CEP63: variants seen among roughly 807,000 people sequenced by gnomAD.
CEP63 encodes the protein centrosomal protein of 63 kDa.
Under a neutral mutation model 89.1 loss-of-function variants are expected in CEP63, and 84 were observed. That is an observed-to-expected ratio of 0.94 (90% CI 0.79 to 1.13). The LOEUF is 1.13. Ranked by LOEUF, CEP63 falls within the 50% of genes most tolerant of loss-of-function variation. The pLI, the probability that CEP63 is intolerant of heterozygous loss-of-function variation, is 0.00. For synonymous variants in CEP63, 267 were observed against 272.5 expected (o/e 0.98, Z 0.20); for missense variants, 838 against 813.3 (o/e 1.03, Z -0.37).
chr3:134,591,685 A>T (rs1303403664), downstream of CEP63, among the ~76,000 whole-genome samples: 1 of 151,718 alleles, frequency 6.6e-6, no homozygotes, highest in Non-Finnish European at 1.5e-5. Context: ...GTGAGACACC[A>T]TCTCTACAAA....
Position 134,550,279 on chromosome 3 carries a change from C to A in CEP63, c.1380+19C>A. On this transcript the variant is annotated intron_variant, in intron 11 of 14. Transcript: ENST00000675561. ...GCATAAGGTGAAGCCTGAACAAAAC[C>A]TTTTTTAAATTTGAAATTTGTTTTA... 3 of 1,609,252 alleles carry A rather than the reference C, an allele frequency of 1.9e-6. No homozygotes were observed. In the African/African-American group the frequency reaches 4.0e-5, roughly 21 times the overall value.
At chr3:134,647,150 A>G in the CEP63 span, among the ~76,000 whole-genome samples, 3 of 152,200 alleles carry the variant, frequency 2.0e-5, no homozygotes, top group Non-Finnish European at 4.4e-5. Flanking sequence ...TCACCATCCC[A>G]AGGGATGTTA....
the CEP63 span, among the ~76,000 whole-genome samples, chr3:134,763,902 T>G: frequency 6.6e-6 from 1 of 152,236 alleles, no homozygotes; most frequent in African/African-American, 2.4e-5. Context: ...TTTCCCAGCA[T>G]ACCACCTCAA....
At chr3:134,585,147 T>C (rs1184329986) in intron 10 of CEP63, among the ~76,000 whole-genome samples, 1 of 152,020 alleles carries the variant, frequency 6.6e-6, no homozygotes, top group East Asian at 1.9e-4. Flanking sequence ...AGCTCCTGGA[T>C]TCATTGATTT....
chr3:134,683,244 T>G, the CEP63 span, among the ~76,000 whole-genome samples: 1 of 152,258 alleles, frequency 6.6e-6, no homozygotes, highest in African/African-American at 2.4e-5. Context: ...TTTGTAAAGT[T>G]ATATTTTAAT....
chr3:134,651,460 G>C, the CEP63 span: 1 of 1,013,342 alleles, frequency 9.9e-7, no homozygotes, highest in Non-Finnish European at 1.2e-6. Flanking sequence ...GTAGATTCAG[G>C]AAAAGGAAAG....
chr3:134,559,245 A>T lies in CEP63; in HGVS notation c.1769A>T (p.Asn590Ile). 2 of 1,614,100 alleles carry T rather than the reference A, an allele frequency of 1.2e-6. No homozygotes were observed. Among genetic ancestry groups the T allele is most frequent in the Non-Finnish European group, 1.7e-6 (2 of 1,180,008 alleles). ...SPRGQASDSI[N>I]PMSRVLSPLS... ...AGAGGACAAGCGTCGGATAGTATAA[A>T]CCCCATGTCTAGGGTGCTAAGCCCC... The change falls in exon 14 of 15, where the codon AAC becomes ATC. Residue 590 changes from asparagine (N) to isoleucine (I), a missense_variant. Asn to Ile is a moderately radical substitution (Grantham distance 149, BLOSUM62 -3). Coordinates refer to ENST00000675561, the MANE Select transcript of CEP63 (RefSeq NM_001353108.3).
chr3:134,486,694 A>G (rs1017420238), intron 1 of CEP63: 9 of 258,408 alleles, frequency 3.5e-5, no homozygotes, highest in African/African-American at 2.3e-5. Context: ...TTCACGGCAC[A>G]AGGGGACCCG....
At chr3:134,649,130 A>T in the CEP63 span, among the ~76,000 whole-genome samples, 1,070 of 152,136 alleles carry the variant, frequency 7.0e-3, 11 homozygotes, top group African/African-American at 0.024. Flanking sequence ...TAAGTGACAC[A>T]GATCTCTACA....
At chr3:134,752,176 G>T in the CEP63 span, among the ~76,000 whole-genome samples, 1 of 152,208 alleles carries the variant, frequency 6.6e-6, no homozygotes, top group Non-Finnish European at 1.5e-5. Context: ...CAATAAAAGA[G>T]ACCAAGAAAG....
At chr3:134,589,857 T>G (rs558745334), downstream of CEP63, among the ~76,000 whole-genome samples, 11 of 152,222 alleles carry the variant, frequency 7.2e-5, no homozygotes, top group Middle Eastern at 3.4e-3. Flanking sequence ...TAAATACTCA[T>G]CAATGGTAGA....
At chr3:134,555,402 G>A (rs1350511773) in intron 12 of CEP63, among the ~76,000 whole-genome samples, 1 of 151,494 alleles carries the variant, frequency 6.6e-6, no homozygotes, top group African/African-American at 2.4e-5. Context: ...ATCTCCTTAA[G>A]CTGATAAGCA....
At chr3:134,778,236 T>A in the CEP63 span, among the ~76,000 whole-genome samples, 6 of 151,710 alleles carry the variant, frequency 4.0e-5, no homozygotes, top group African/African-American at 1.5e-4. Context: ...TAGCTAGGAT[T>A]ACAGACGTGC....
the CEP63 span, among the ~76,000 whole-genome samples, chr3:134,757,311 A>G: frequency 2.0e-5 from 3 of 152,216 alleles, no homozygotes; most frequent in Admixed American, 2.0e-4. Flanking sequence ...GATAGTGGGT[A>G]GGCAACCAGC....
In CEP63 at chr3:134,486,155, G is replaced by T; in HGVS notation, c.-73G>T. The T allele has an allele frequency of 1.0e-6, 1 of 985,612 alleles. No homozygotes were observed. The highest frequency in any genetic ancestry group is 4.7e-5 in the South Asian group (1 of 21,294). 61.1% of individuals were successfully genotyped at this position (985,612 alleles called of 1,614,324 possible). On this transcript the variant is annotated 5_prime_UTR_variant, in exon 1 of 15. Transcript: ENST00000675561. ...CGGAACAAACGCGCCGACTACAGAG[G>T]CTGGACGTAAGCTTAGCGGTGGCGC...
the CEP63 span, among the ~76,000 whole-genome samples, chr3:134,745,929 T>A: frequency 6.6e-6 from 1 of 151,066 alleles, no homozygotes; most frequent in African/African-American, 2.4e-5. Flanking sequence ...CTTTTTTTTT[T>A]ATTATACTTT....
chr3:134,508,844 C>G (rs1453591914), intron 3 of CEP63, among the ~76,000 whole-genome samples: 1 of 152,048 alleles, frequency 6.6e-6, no homozygotes, highest in African/African-American at 2.4e-5. Flanking sequence ...TTTGCTACTT[C>G]ATTGATTGGG....
chr3:134,524,434 T>C (rs1174043510), intron 3 of CEP63, among the ~76,000 whole-genome samples: 1 of 152,066 alleles, frequency 6.6e-6, no homozygotes, highest in Non-Finnish European at 1.5e-5. Flanking sequence ...TGAATAGGAG[T>C]GGTGAGAGAG....
the CEP63 span, among the ~76,000 whole-genome samples, chr3:134,715,292 T>G: frequency 6.6e-6 from 1 of 152,148 alleles, no homozygotes; most frequent in Non-Finnish European, 1.5e-5. Context: ...AGGTTGAAGG[T>G]CAGCTACTCC....
Sources: allele counts gnomAD v4.1 joint callset (sites outside exome capture counted in the v4.1 genomes callset), GRCh38; gene constraint gnomAD v4.1.1; transcripts MANE v1.5; gene names NCBI Gene and HGNC (gene_info 2026-07-23, HGNC 2026-07-21).